Variants in TENM2 observed in about 807,000 individuals in gnomAD.
TENM2 encodes the protein teneurin-2.
A neutral mutation model predicts 245.2 loss-of-function variants in TENM2; 52 were observed. The ratio of observed to expected loss-of-function variants is 0.21; its 90% CI spans 0.17 to 0.27. The LOEUF (loss-of-function observed/expected upper bound fraction) is 0.27, where lower values mean the gene tolerates loss of function less well. TENM2 is among the 10% of genes least tolerant of loss of function. The probability of loss-of-function intolerance (pLI) is 1.00; values close to 1 mark genes in which losing one functional copy is unlikely to be tolerated. For missense variants in TENM2, 3,046 were observed against 3,666.8 expected, an observed-to-expected ratio of 0.83 and a Z score of 4.37; for synonymous variants, 1,363 against 1,438.9, an observed-to-expected ratio of 0.95 and a Z score of 1.19.
Position 167,989,298 on chromosome 5 carries a change from G to GAGAT in TENM2, c.948-3637_948-3634dup, listed in dbSNP as rs1554167234. On this transcript the variant is annotated intron_variant, in intron 4 of 28. Coordinates refer to ENST00000518659, the Ensembl canonical transcript of TENM2. ...AGAGAGAGAGAGAGAGAGAGAGAGA[G>GAGAT]AGATAGATAGATTTGTGAGTGCACA... is the stretch of plus-strand genomic sequence containing the variant. Among the ~76,000 whole-genome samples the GAGAT allele has an allele frequency of 3.7e-3, 549 of 147,734 alleles. 2 individuals carry two copies. The highest frequency in any genetic ancestry group is 0.011 in the South Asian group (50 of 4,536).
Position 168,130,967 on chromosome 5 carries a change from G to A in TENM2, c.2422+4001G>A, listed in dbSNP as rs190751115. On this transcript the variant is annotated intron_variant, in intron 12 of 28. Coordinates refer to ENST00000518659, the Ensembl canonical transcript of TENM2. The stretch of plus-strand genomic sequence containing the variant: ...AGGACATGGAGGAACTATAGAATGT[G>A]TGTAATAATAGATCAAAATCACTAA... Among the ~76,000 whole-genome samples, 17 of 152,314 alleles carry A rather than the reference G, an allele frequency of 1.1e-4. No individual in the cohort carries two copies. In the East Asian group the frequency reaches 2.9e-3, roughly 26 times the overall value.
chr5:167,215,631 T>C, the TENM2 span, among the ~76,000 whole-genome samples: 5 of 152,080 alleles, frequency 3.3e-5, no homozygotes, highest in African/African-American at 9.7e-5. Flanking sequence ...AAAGCAATCA[T>C]AGGGGATGTA....
At chr5:167,896,494 G>A (rs1333288117) in intron 3 of TENM2, among the ~76,000 whole-genome samples, 4 of 152,212 alleles carry the variant, frequency 2.6e-5, no homozygotes, top group Non-Finnish European at 5.9e-5. Context: ...CTTCAGGCAT[G>A]CATTCCTTTC....
Position 167,531,561 on chromosome 5 carries a change from G to A in TENM2, c.502+156088G>A, listed in dbSNP as rs10056021. Among the ~76,000 whole-genome samples, 919 of 151,458 alleles carry A rather than the reference G, an allele frequency of 6.1e-3. 15 individuals carry two copies. Among genetic ancestry groups the A allele is most frequent in the African/African-American group, 0.021 (877 of 41,248 alleles). On this transcript the variant is annotated intron_variant, in intron 2 of 28. Transcript: ENST00000518659. ...ATGCTTTTTGTTAACTACAGTTACC[G>A]TGCTGTACAATATATTTCCAGAACT...
At chr5:167,883,280 G>A (rs567954742) in intron 3 of TENM2, among the ~76,000 whole-genome samples, 7 of 152,236 alleles carry the variant, frequency 4.6e-5, no homozygotes, top group African/African-American at 9.6e-5. Context: ...GGACTCTCTC[G>A]GCATTGTTAA....
chr5:167,850,695 G>T (rs998087927), intron 2 of TENM2, among the ~76,000 whole-genome samples: 15 of 150,850 alleles, frequency 9.9e-5, no homozygotes, highest in African/African-American at 3.7e-4. Flanking sequence ...CTGGAGGATG[G>T]GGGCTGCAAA....
chr5:168,171,464 G>A (rs768704044), intron 13 of TENM2, among the ~76,000 whole-genome samples: 13 of 152,062 alleles, frequency 8.5e-5, no homozygotes, highest in Non-Finnish European at 1.3e-4. Context: ...ATTCAAACAA[G>A]TACAGAATGT....
intron 2 of TENM2, chr5:167,653,672 G>C (rs979403243): frequency 2.6e-5 from 4 of 152,186 alleles, no homozygotes; most frequent in African/African-American, 9.7e-5. Context: ...TTCAGCCAAA[G>C]CAGTTTGAGT....
At chr5:167,782,160 A>G (rs1213833034) in intron 2 of TENM2, among the ~76,000 whole-genome samples, 1 of 151,852 alleles carries the variant, frequency 6.6e-6, no homozygotes. Flanking sequence ...CTTAAAATAT[A>G]AAATTAGCTG....
At chr5:168,028,169 C>T (rs995034163) in intron 5 of TENM2, among the ~76,000 whole-genome samples, 1 of 152,206 alleles carries the variant, frequency 6.6e-6, no homozygotes, top group African/African-American at 2.4e-5. Flanking sequence ...ACCAGCCAGT[C>T]AGCCTTCTGC....
chr5:167,199,398 G>T, the TENM2 span, among the ~76,000 whole-genome samples: 1 of 152,064 alleles, frequency 6.6e-6, no homozygotes, highest in South Asian at 2.1e-4. Context: ...GATCAAATTT[G>T]CGGTCAACTT....
chr5:167,111,968 C>T, the TENM2 span, among the ~76,000 whole-genome samples: 1 of 152,182 alleles, frequency 6.6e-6, no homozygotes, highest in African/African-American at 2.4e-5. Context: ...CATGCCTCGA[C>T]ATTAACTGGA....
the TENM2 span, among the ~76,000 whole-genome samples, chr5:167,219,452 C>A: frequency 6.6e-6 from 1 of 152,188 alleles, no homozygotes; most frequent in Non-Finnish European, 1.5e-5. Flanking sequence ...GGTGATCAGA[C>A]CAGTGCTAAC....
intron 3 of TENM2, among the ~76,000 whole-genome samples, chr5:167,918,489 G>A (rs1025269911): frequency 6.6e-6 from 1 of 152,200 alleles, no homozygotes; most frequent in African/African-American, 2.4e-5. Flanking sequence ...TATTATGTTA[G>A]ACAGAGCCAC....
chr5:167,586,483 A>T (rs1427559157), intron 2 of TENM2, among the ~76,000 whole-genome samples: 12 of 152,188 alleles, frequency 7.9e-5, no homozygotes, highest in African/African-American at 2.9e-4. Context: ...AATTTGGGAC[A>T]TATCCTCCTT....
At chr5:166,988,642 G>C in the TENM2 span, among the ~76,000 whole-genome samples, 1 of 152,342 alleles carries the variant, frequency 6.6e-6, no homozygotes, top group South Asian at 2.1e-4. Context: ...AAATGTGTTA[G>C]AAGGATATTG....
chr5:167,493,865 T>A (rs1277130648), intron 2 of TENM2, among the ~76,000 whole-genome samples: 1 of 151,988 alleles, frequency 6.6e-6, no homozygotes. Context: ...AACAAACACA[T>A]AAACAATATA....
intron 2 of TENM2, among the ~76,000 whole-genome samples, chr5:167,717,407 G>C (rs895204473): frequency 1.3e-5 from 2 of 152,126 alleles, no homozygotes; most frequent in East Asian, 3.9e-4. Flanking sequence ...AGATGACTTA[G>C]AAGTAGGTTG....
chr5:167,343,269 C>T (rs1053084180), intron 1 of TENM2, among the ~76,000 whole-genome samples: 22 of 152,108 alleles, frequency 1.4e-4, no homozygotes, highest in African/African-American at 5.1e-4. Context: ...CTAGAATCAG[C>T]CATTTCTTTA....
Sources: allele counts gnomAD v4.1 joint callset (sites outside exome capture counted in the v4.1 genomes callset), GRCh38; gene constraint gnomAD v4.1.1; transcripts MANE v1.5; gene names NCBI Gene and HGNC (gene_info 2026-07-23, HGNC 2026-07-21).